Variants in TBL3 observed in about 807,000 individuals in gnomAD.
TBL3 encodes the protein transducin beta-like protein 3.
Under a neutral mutation model 102.7 loss-of-function variants are expected in TBL3, and 71 were observed. That is an observed-to-expected ratio of 0.69 (90% CI 0.57 to 0.84). The LOEUF (loss-of-function observed/expected upper bound fraction) is 0.84. Ranked by LOEUF, TBL3 falls within the 40% of genes least tolerant of loss-of-function variation. The pLI, the probability that TBL3 is intolerant of heterozygous loss-of-function variation, is 0.00. For synonymous variants in TBL3, 578 were observed against 477.7 expected, an observed-to-expected ratio of 1.21 and a Z score of -2.74; for missense variants, 1,188 against 1,098.5, an observed-to-expected ratio of 1.08 and a Z score of -1.15.
chr16:1,980,299 C>G lies in TBL3; in HGVS notation c.*1614C>G. ...TCTGCCCCTATTCGCTGGCTGTTCC[C>G]CCCCACCCTGGACCTCTCCCAGCTC... On this transcript the variant is annotated 3_prime_UTR_variant, in exon 22 of 22. Coordinates refer to ENST00000568546, the MANE Select transcript of TBL3 (RefSeq NM_006453.3). 5.9e-6 allele frequency: 9 copies of G among 1,537,064 alleles called. No homozygotes were observed. Among genetic ancestry groups the G allele is most frequent in the Non-Finnish European group, 6.1e-6 (7 of 1,144,056 alleles).
intron 1 of TBL3, 50 bp from the exon 2 acceptor site, chr16:1,974,005 TG>T (rs1277722470): frequency 1.3e-6 from 2 of 1,498,100 alleles, no homozygotes; most frequent in Non-Finnish European, 8.9e-7. Context: ...GGCGGGGCCC[TG>T]GGGACTGAGG....
chr16:1,978,955 G>A lies in TBL3; in HGVS notation c.*270G>A. The A allele has an allele frequency of 1.6e-6, 2 of 1,250,278 alleles. No homozygotes were observed. Among genetic ancestry groups the A allele is most frequent in the Non-Finnish European group, 2.2e-6 (2 of 912,744 alleles). The allele number at this position is 1,250,278 out of a possible 1,614,324, so 77.4% of individuals were successfully genotyped here. A position where few individuals can be genotyped will look rare whatever the true frequency, so the allele number is the denominator to read the frequency against. On this transcript the variant is annotated 3_prime_UTR_variant, in exon 22 of 22. Transcript: ENST00000568546. Reference sequence around the variant, plus strand: ...GCTTTACTCAGAGGAACAGCAAATGGCCCCCTCCCATCCCTGCTGGCCAGG... The same window carrying A: ...GCTTTACTCAGAGGAACAGCAAATGACCCCCTCCCATCCCTGCTGGCCAGG...
rs747380122 is a variant in TBL3, at chr16:1,980,541, G to A, written c.*1856G>A. 4.4e-6 allele frequency: 7 copies of A among 1,598,464 alleles called. No homozygotes were observed. In the South Asian group the frequency reaches 6.6e-5, roughly 15 times the overall value. ...GCGCCCCACGCGTCCCAACAGTGGT[G>A]CATCTTAAGGCACCACAAAAACGTA... On this transcript the variant is annotated 3_prime_UTR_variant, in exon 22 of 22. Transcript: ENST00000568546.
rs969403564 is a variant in TBL3 at position 1,978,051 on chromosome 16, T to A, written c.2052T>A (p.Thr684=). 1 of 1,605,036 alleles carries A rather than the reference T, an allele frequency of 6.2e-7. No individual in the cohort carries two copies. The highest frequency in any genetic ancestry group is 8.5e-7 in the Non-Finnish European group (1 of 1,175,242). The change falls in exon 19 of 22, where the codon ACT becomes ACA. Residue 684 remains threonine, a synonymous_variant. Coordinates refer to ENST00000568546, the MANE Select transcript of TBL3 (RefSeq NM_006453.3). The part of the protein sequence containing the change: ...ISLDRPHTVL[T]VIQAIRRDPE... ...TGGATCGGCCCCACACCGTGCTGAC[T>A]GTCATCCAGGGTCAGTGCCCACCCC...
In TBL3 at chr16:1,980,452, C is replaced by A; in HGVS notation, c.*1767C>A. 6.2e-7 allele frequency: 1 copy of A among 1,601,824 alleles called. No individual in the cohort carries two copies. On this transcript the variant is annotated 3_prime_UTR_variant, in exon 22 of 22. Coordinates refer to ENST00000568546, the MANE Select transcript of TBL3 (RefSeq NM_006453.3). ...GTCGGGCTCCGTGCCACGCGCTCTGCAGTCGCCAGCAGCCTCCGAGAATAG... is the reference window on the plus strand; with the variant it reads ...GTCGGGCTCCGTGCCACGCGCTCTGAAGTCGCCAGCAGCCTCCGAGAATAG...
intron 8 of TBL3, 35 bp downstream of exon 8, chr16:1,975,297 G>C: frequency 2.5e-6 from 4 of 1,613,944 alleles, no homozygotes; most frequent in Non-Finnish European, 3.4e-6. Context: ...TGGTTGAGTT[G>C]GGTGGGGAGG....
chr16:1,978,041 C>T lies in TBL3; in HGVS notation c.2042C>T (p.Thr681Ile). The T allele has an allele frequency of 6.2e-7, 1 of 1,606,268 alleles. No individual in the cohort carries two copies. The highest frequency in any genetic ancestry group is 8.5e-7 in the Non-Finnish European group (1 of 1,176,110). ...GCCATCTCCCTGGATCGGCCCCACA[C>T]CGTGCTGACTGTCATCCAGGGTCAG... ...GLAISLDRPH[T>I]VLTVIQAIRR... Residue 681 changes from threonine to isoleucine, a missense_variant, in exon 19 of 22, where the codon ACC becomes ATC. Transcript: ENST00000568546.
In TBL3 at chr16:1,979,833, G is replaced by T; in HGVS notation, c.*1148G>T. The T allele has an allele frequency of 6.4e-7, 1 of 1,573,828 alleles. No individual in the cohort carries two copies. The highest frequency in any genetic ancestry group is 2.4e-5 in the East Asian group (1 of 42,346). On this transcript the variant is annotated 3_prime_UTR_variant, in exon 22 of 22. Coordinates refer to ENST00000568546, the MANE Select transcript of TBL3 (RefSeq NM_006453.3). ...GGCCTCCCTCCCGGCCTTGGCCCGGGGCCGCCTCCTCCAGGTAGGGCGCTG... is the reference window on the plus strand; with the variant it reads ...GGCCTCCCTCCCGGCCTTGGCCCGGTGCCGCCTCCTCCAGGTAGGGCGCTG...
chr16:1,977,225 A>G lies in TBL3; in HGVS notation c.1612A>G (p.Thr538Ala), dbSNP rs2083410312. The change falls in exon 15 of 22, where the codon ACG (threonine) becomes GCG (alanine). Residue 538 changes from threonine (T) to alanine (A), a missense_variant. Thr to Ala is a moderately conservative substitution (Grantham distance 58). Coordinates refer to ENST00000568546, the MANE Select transcript of TBL3 (RefSeq NM_006453.3). ...CTCTCCCATGGACCAGGTGCTGGCC[A>G]CGGCCTCAGCTGATGGCACCATCAA... ...QFSPMDQVLA[T>A]ASADGTIKLW... The G allele has an allele frequency of 6.2e-7, 1 of 1,613,066 alleles. No homozygotes were observed. The highest frequency in any genetic ancestry group is 8.5e-7 in the Non-Finnish European group (1 of 1,179,928).
intron 1 of TBL3, among the ~76,000 whole-genome samples, chr16:1,972,614 G>A (rs2083368480): frequency 6.6e-6 from 1 of 152,228 alleles, no homozygotes; most frequent in African/African-American, 2.4e-5. Flanking sequence ...CAGGGAGAAT[G>A]CAGGAGAGGG....
At position 1,981,023 on chromosome 16, in the gene TBL3, G is replaced by C. The variant is rs752714157; in HGVS notation, c.*2338G>C. 4.3e-6 allele frequency: 7 copies of C among 1,613,228 alleles called. No homozygotes were observed. Among genetic ancestry groups the C allele is most frequent in the African/African-American group, 4.0e-5 (3 of 74,946 alleles). On this transcript the variant is annotated 3_prime_UTR_variant, in exon 22 of 22. Transcript: ENST00000568546. Reference sequence around the variant, plus strand: ...AGCGCACAGAGAAGGCAAACGTCTGGGGGACAAAAAGTTGGGAGTGCCGTG... The same window carrying C: ...AGCGCACAGAGAAGGCAAACGTCTGCGGGACAAAAAGTTGGGAGTGCCGTG...
rs1309518195 is a variant in TBL3, at chr16:1,975,377, G to C, written c.744G>C (p.Glu248Asp). ...AGGCTGCTGTGCTGTTGCCAGAGGA[G>C]CCAGTGTCCCAGCTGGGTGTGAAGT... The part of the protein sequence containing the change: ...SVEAAVLLPE[E>D]PVSQLGVKSP... Residue 248 changes from glutamate (E) to aspartate (D), a missense_variant, in exon 9 of 22, where the codon GAG becomes GAC. Transcript: ENST00000568546. The C allele has an allele frequency of 6.2e-7, 1 of 1,613,904 alleles. No individual in the cohort carries two copies. The highest frequency in any genetic ancestry group is 2.2e-5 in the East Asian group (1 of 44,898).
Position 1,980,746 on chromosome 16 carries a change from C to T in TBL3, c.*2061C>T. Reference sequence around the variant, plus strand: ...TTGAGGGTCTTCTGAGGGCGGGAACCAGGGCATTGGTCTTCCAGAGCCCAC... The same window carrying T: ...TTGAGGGTCTTCTGAGGGCGGGAACTAGGGCATTGGTCTTCCAGAGCCCAC... On this transcript the variant is annotated 3_prime_UTR_variant, in exon 22 of 22. Transcript: ENST00000568546. The T allele has an allele frequency of 6.3e-7, 1 of 1,586,604 alleles. No homozygotes were observed. The highest frequency in any genetic ancestry group is 8.6e-7 in the Non-Finnish European group (1 of 1,165,638).
chr16:1,980,278 C>A lies in TBL3; in HGVS notation c.*1593C>A. On this transcript the variant is annotated 3_prime_UTR_variant, in exon 22 of 22. Coordinates refer to ENST00000568546, the MANE Select transcript of TBL3 (RefSeq NM_006453.3). ...AAGACCGCCAGCCTCCCACTCTCTG[C>A]CCCTATTCGCTGGCTGTTCCCCCCC... The A allele has an allele frequency of 6.6e-7, 1 of 1,514,576 alleles. No homozygotes were observed. Among genetic ancestry groups the A allele is most frequent in the East Asian group, 2.3e-5 (1 of 42,762 alleles). 93.8% of individuals were successfully genotyped at this position (1,514,576 alleles called of 1,614,324 possible).
In TBL3 at chr16:1,981,521, C is replaced by T. The variant is rs1597060327; in HGVS notation, c.*2836C>T. 2.8e-6 allele frequency: 1 copy of T among 359,052 alleles called. No individual in the cohort carries two copies. The highest frequency in any genetic ancestry group is 3.9e-5 in the South Asian group (1 of 25,956). 22.2% of individuals were successfully genotyped at this position (359,052 alleles called of 1,614,324 possible). ...CTGCTGCCTGGGGCCCTCCTGCCTG[C>T]CTCTGGCCACAGGAGGAGGGAGGAG... On this transcript the variant is annotated 3_prime_UTR_variant, in exon 22 of 22. Coordinates refer to ENST00000568546, the MANE Select transcript of TBL3 (RefSeq NM_006453.3).
At position 1,980,258 on chromosome 16, in the gene TBL3, C is replaced by T; in HGVS notation, c.*1573C>T. ...ACTGGGGGCGCCACCCCGGCAAGAC[C>T]GCCAGCCTCCCACTCTCTGCCCCTA... On this transcript the variant is annotated 3_prime_UTR_variant, in exon 22 of 22. Coordinates refer to ENST00000568546, the MANE Select transcript of TBL3 (RefSeq NM_006453.3). 2.0e-6 allele frequency: 3 copies of T among 1,518,850 alleles called. No homozygotes were observed. Among genetic ancestry groups the T allele is most frequent in the South Asian group, 2.5e-5 (2 of 81,532 alleles). The allele number at this position is 1,518,850 out of a possible 1,614,324, so 94.1% of individuals were successfully genotyped here.
chr16:1,979,413 G>A lies in TBL3; in HGVS notation c.*728G>A. On this transcript the variant is annotated 3_prime_UTR_variant, in exon 22 of 22. Coordinates refer to ENST00000568546, the MANE Select transcript of TBL3 (RefSeq NM_006453.3). ...CGGCTAGCCTGCCCTGCCCACGCCCGCTCCCGCGTACCTGCATAGCCACCA... is the reference window on the plus strand; with the variant it reads ...CGGCTAGCCTGCCCTGCCCACGCCCACTCCCGCGTACCTGCATAGCCACCA... 1.2e-6 allele frequency: 2 copies of A among 1,604,236 alleles called. No individual in the cohort carries two copies. The highest frequency in any genetic ancestry group is 1.7e-6 in the Non-Finnish European group (2 of 1,177,792).
rs1408643468 is a variant in TBL3, at chr16:1,980,468, C to T, written c.*1783C>T. 1 of 1,602,214 alleles carries T rather than the reference C, an allele frequency of 6.2e-7. No individual in the cohort carries two copies. Among genetic ancestry groups the T allele is most frequent in the Non-Finnish European group, 8.5e-7 (1 of 1,179,854 alleles). On this transcript the variant is annotated 3_prime_UTR_variant, in exon 22 of 22. Transcript: ENST00000568546. ...CGCGCTCTGCAGTCGCCAGCAGCCT[C>T]CGAGAATAGGTTTCCAACAGCTGCA...
intron 16 of TBL3, 40 bp from the exon 17 acceptor site, chr16:1,977,474 G>GGGGGGC: frequency 1.3e-6 from 2 of 1,594,102 alleles, no homozygotes; most frequent in Non-Finnish European, 1.7e-6. Flanking sequence ...GTGGCGGGGG[G>GGGGGGC]ACCTGCCTGA....
Sources: gnomAD v4.1 joint callset for allele counts (sites outside exome capture counted in the v4.1 genomes callset) on GRCh38, gnomAD v4.1.1 for gene constraint, MANE v1.5 for transcripts, NCBI Gene and HGNC (gene_info 2026-07-23, HGNC 2026-07-21) for gene names.